Variants in MAP1S observed in about 807,000 individuals in gnomAD.
The protein encoded by MAP1S is microtubule associated protein 1S.
Under a neutral mutation model 60.9 loss-of-function variants are expected in MAP1S, and 27 were observed. That is an observed-to-expected ratio of 0.44 (90% CI 0.33 to 0.61). MAP1S has a LOEUF of 0.61. Ranked by LOEUF, MAP1S falls within the 20% of genes least tolerant of loss-of-function variation. MAP1S has a pLI of 0.03. For missense variants in MAP1S, 1,608 were observed against 1,486.6 expected, an observed-to-expected ratio of 1.08 and a Z score of -1.34; for synonymous variants, 826 against 694.2, an observed-to-expected ratio of 1.19 and a Z score of -2.98.
At chr19:17,719,921 C>A (rs2080355496) in intron 1 of MAP1S, 2 of 176,038 alleles carry the variant, frequency 1.1e-5, no homozygotes, top group Non-Finnish European at 2.3e-5. Context: ...GGGACCCTTG[C>A]AGTTGGACCA....
At chr19:17,721,969 G>A (rs1047020601) in intron 2 of MAP1S, among the ~76,000 whole-genome samples, 4 of 152,140 alleles carry the variant, frequency 2.6e-5, no homozygotes, top group Non-Finnish European at 2.9e-5. Flanking sequence ...GTCACCTCCC[G>A]GCTGCTGCTG....
chr19:17,732,878 T>G, intron 5 of MAP1S: 2 of 350,696 alleles, frequency 5.7e-6, no homozygotes, highest in Non-Finnish European at 5.2e-6. Flanking sequence ...CCGGTGGTGT[T>G]TGTAGAGTGA....
rs574275605 is a variant in MAP1S at position 17,728,068 on chromosome 19, C to G, written c.2684C>G (p.Ala895Gly). 2.8e-5 allele frequency: 45 copies of G among 1,612,562 alleles called. No individual in the cohort carries two copies. The African/African-American group carries it at 5.7e-4, about 21-fold the overall frequency. ...AAGGGGCTTGCTGGTGGGGACCGTG[C>G]CAGCCGACCACTCAGTGCCCGGAGT... ...KTKGLAGGDR[A>G]SRPLSARSEP... The change falls in exon 5 of 7, where the codon GCC becomes GGC. Residue 895 changes from alanine (A) to glycine (G), a missense_variant. By Grantham distance (60) the Ala-to-Gly change is moderately conservative. Coordinates refer to ENST00000324096, the MANE Select transcript of MAP1S (RefSeq NM_018174.6).
Position 17,725,923 on chromosome 19 carries a change from C to A in MAP1S, c.539C>A (p.Pro180His), listed in dbSNP as rs1432505086. 6.2e-7 allele frequency: 1 copy of A among 1,613,774 alleles called. No homozygotes were observed. Among genetic ancestry groups the A allele is most frequent in the East Asian group, 2.2e-5 (1 of 44,876 alleles). ...TTCGGTGACTGGGCTCAGCTGGCAC[C>A]CGCTGTGCCTGGCCTTCAGGGGGCG... Reference protein sequence around the residue: ...PTFGDWAQLAPAVPGLQGALR... With the variant: ...PTFGDWAQLAHAVPGLQGALR... The change falls in exon 5 of 7, where the codon CCC becomes CAC. Residue 180 changes from proline (P) to histidine (H), a missense_variant. This residue lies in a region of MAP1S where 320 missense variants were observed against 393.1 expected (regional missense o/e 0.81). Coordinates refer to ENST00000324096, the MANE Select transcript of MAP1S (RefSeq NM_018174.6). The surrounding 1 kb of genome is among the most constrained non-coding windows in gnomAD (Gnocchi z 4.2).
Position 17,727,193 on chromosome 19 carries a change from C to G in MAP1S, c.1809C>G (p.Ser603=), listed in dbSNP as rs1384631334. Residue 603 remains serine, a synonymous_variant, in exon 5 of 7, where the codon TCC becomes TCG. Coordinates refer to ENST00000324096, the MANE Select transcript of MAP1S (RefSeq NM_018174.6). This position sits in a 1 kb window ranked among gnomAD's most constrained non-coding sequence, Gnocchi z 4.1. The part of the protein sequence containing the change: ...PPSAACGSPA[S]QLVATPSLEL... ...GTGCAGCCTGCGGCTCTCCGGCCTC[C>G]CAGCTGGTGGCCACGCCCAGCCTGG... The G allele has an allele frequency of 1.3e-6, 2 of 1,576,262 alleles. No homozygotes were observed. Among genetic ancestry groups the G allele is most frequent in the Non-Finnish European group, 8.6e-7 (1 of 1,165,236 alleles).
chr19:17,719,739 G>A (rs1293998839), intron 1 of MAP1S, 119 bp downstream of exon 1: 3 of 289,416 alleles, frequency 1.0e-5, no homozygotes, highest in Non-Finnish European at 1.6e-5. Context: ...GCTCCGGGGC[G>A]GGGGTCGCGG....
rs1471850623 is a variant in MAP1S, at chr19:17,733,197, A to G, written c.2793A>G (p.Ser931=). ...PKTATRGPSG[S]ASSRPGVSAT... ...TCCCCATCCCCCCGCCCGCAGGGTC[A>G]GCCAGCAGCCGGCCCGGGGTGTCAG... Residue 931 remains serine, a synonymous_variant, in exon 6 of 7, where the codon TCA becomes TCG. Transcript: ENST00000324096. The G allele has an allele frequency of 1.3e-6, 2 of 1,533,726 alleles. No individual in the cohort carries two copies. Among genetic ancestry groups the G allele is most frequent in the Admixed American group, 2.0e-5 (1 of 49,304 alleles).
chr19:17,725,030 T>C lies in MAP1S; in HGVS notation c.304-19T>C, dbSNP rs2080404665. 1.2e-6 allele frequency: 2 copies of C among 1,614,080 alleles called. No individual in the cohort carries two copies. The highest frequency in any genetic ancestry group is 1.7e-6 in the Non-Finnish European group (2 of 1,180,004). The stretch of plus-strand genomic sequence containing the variant: ...TCACTGCACAGAACGGGTCCTTTAG[T>C]GTTCACCCCCTCCCTCAGCTCCGGA... On this transcript the variant is annotated intron_variant, in intron 3 of 6. Transcript: ENST00000324096. The surrounding 1 kb of genome is among the most constrained non-coding windows in gnomAD (Gnocchi z 4.2).
At chr19:17,733,056 G>A in intron 5 of MAP1S, 137 bp from the exon 6 acceptor site, 1 of 600,030 alleles carries the variant, frequency 1.7e-6, no homozygotes, top group Non-Finnish European at 2.9e-6. Flanking sequence ...GAGCGCACCA[G>A]GCCTCCCCAG....
chr19:17,727,214 C>G lies in MAP1S; in HGVS notation c.1830C>G (p.Ser610Arg). Residue 610 changes from serine to arginine, a missense_variant, in exon 5 of 7, where the codon AGC becomes AGG. Coordinates refer to ENST00000324096, the MANE Select transcript of MAP1S (RefSeq NM_018174.6). This position sits in a 1 kb window ranked among gnomAD's most constrained non-coding sequence, Gnocchi z 4.1. ...CCTCCCAGCTGGTGGCCACGCCCAGCCTGGAGCTGGGGCCGATCCCAGCCG... is the reference window on the plus strand; with the variant it reads ...CCTCCCAGCTGGTGGCCACGCCCAGGCTGGAGCTGGGGCCGATCCCAGCCG... ...SPASQLVATP[S>R]LELGPIPAGE... 3 of 1,569,412 alleles carry G rather than the reference C, an allele frequency of 1.9e-6. No individual in the cohort carries two copies. Among genetic ancestry groups the G allele is most frequent in the Non-Finnish European group, 2.6e-6 (3 of 1,162,168 alleles).
chr19:17,726,524 A>T lies in MAP1S; in HGVS notation c.1140A>T (p.Lys380Asn). 1 of 1,562,148 alleles carries T rather than the reference A, an allele frequency of 6.4e-7. No homozygotes were observed. The highest frequency in any genetic ancestry group is 8.6e-7 in the Non-Finnish European group (1 of 1,158,262). Residue 380 changes from lysine (K) to asparagine (N), a missense_variant, in exon 5 of 7, where the codon AAA (lysine) becomes AAT (asparagine). By Grantham distance (94) the Lys-to-Asn change is moderately conservative. Around this residue, in one of 4 missense-constraint regions of MAP1S, gnomAD observed 1,167 missense variants for 961.4 expected, o/e 1.21. Coordinates refer to ENST00000324096, the MANE Select transcript of MAP1S (RefSeq NM_018174.6). The stretch of plus-strand genomic sequence containing the variant: ...TCAGCCGCGGCCCCGTGCCAGCCAA[A>T]CCCACCGTGCTCTTCGAGAAGATGG... ...LPLSRGPVPA[K>N]PTVLFEKMGV... is the part of the protein sequence containing the mutation.
intron 1 of MAP1S, chr19:17,720,316 C>T: frequency 4.1e-6 from 6 of 1,466,806 alleles, no homozygotes; most frequent in Non-Finnish European, 5.4e-6. Context: ...GAACACGCAC[C>T]TCGGTTCATG....
At chr19:17,720,020 C>G in intron 1 of MAP1S, 14 of 690,052 alleles carry the variant, frequency 2.0e-5, no homozygotes, top group Non-Finnish European at 2.6e-5. Context: ...AGATAGAGAT[C>G]TCCCGGAGGG....
chr19:17,719,546 C>T lies in MAP1S; in HGVS notation c.44C>T (p.Ser15Leu). The stretch of plus-strand genomic sequence containing the variant: ...TCTGGGGCTGCCGCGGCTCCGAGCT[C>T]ACTGCTCCTCGTGGTGGGCAGCGAG... ...AGSGAAAAPS[S>L]LLLVVGSEFG... The change falls in exon 1 of 7, where the codon TCA becomes TTA. Residue 15 changes from serine to leucine, a missense_variant. This residue lies in a region of MAP1S where 45 missense variants were observed against 22.0 expected (regional missense o/e 2.04). Coordinates refer to ENST00000324096, the MANE Select transcript of MAP1S (RefSeq NM_018174.6). 8.0e-7 allele frequency: 1 copy of T among 1,246,158 alleles called. No individual in the cohort carries two copies. The highest frequency in any genetic ancestry group is 4.2e-5 in the Admixed American group (1 of 23,682). 77.2% of individuals were successfully genotyped at this position (1,246,158 alleles called of 1,614,324 possible).
rs753160066 is a variant in MAP1S at position 17,726,846 on chromosome 19, C to G, written c.1462C>G (p.Leu488Val). 8 of 1,554,410 alleles carry G rather than the reference C, an allele frequency of 5.1e-6. No individual in the cohort carries two copies. The highest frequency in any genetic ancestry group is 7.0e-6 in the Non-Finnish European group (8 of 1,149,710). Reference protein sequence around the residue: ...SRDSSKREGLLATHPRPGQER... With the variant: ...SRDSSKREGLVATHPRPGQER... Reference sequence around the variant, plus strand: ...GGACAGCTCGAAGAGAGAGGGCCTCCTGGCCACCCACCCTAGACCTGGCCA... The same window carrying G: ...GGACAGCTCGAAGAGAGAGGGCCTCGTGGCCACCCACCCTAGACCTGGCCA... Residue 488 changes from leucine (L) to valine (V), a missense_variant, in exon 5 of 7, where the codon CTG (leucine) becomes GTG (valine). By Grantham distance (32) the Leu-to-Val change is conservative. Coordinates refer to ENST00000324096, the MANE Select transcript of MAP1S (RefSeq NM_018174.6).
At chr19:17,724,980 A>G (rs1323576241) in intron 3 of MAP1S, 69 bp from the exon 4 acceptor site, 28 of 1,603,478 alleles carry the variant, frequency 1.7e-5, no homozygotes, top group African/African-American at 5.4e-5. Context: ...ACTCGAGGCT[A>G]CCCCAAAGAG....
In MAP1S at chr19:17,734,466, C is replaced by T. The variant is rs1338573323; in HGVS notation, c.*38C>T. On this transcript the variant is annotated 3_prime_UTR_variant, in exon 7 of 7. Transcript: ENST00000324096. Reference sequence around the variant, plus strand: ...CACGCCCCCCACTCAGCCCAGCCCGCCTGTCCCTAGATTCAGCCACATCAG... The same window carrying T: ...CACGCCCCCCACTCAGCCCAGCCCGTCTGTCCCTAGATTCAGCCACATCAG... 2 of 1,583,222 alleles carry T rather than the reference C, an allele frequency of 1.3e-6. No individual in the cohort carries two copies. The highest frequency in any genetic ancestry group is 2.3e-5 in the South Asian group (2 of 88,798).
rs7252905 is a variant in MAP1S, at chr19:17,726,997, C to A, written c.1613C>A (p.Pro538Gln). Residue 538 changes from proline to glutamine, a missense_variant, in exon 5 of 7, where the codon CCG becomes CAG. By Grantham distance (76) the Pro-to-Gln change is moderately conservative. This residue lies in a region of MAP1S where 1,167 missense variants were observed against 961.4 expected (regional missense o/e 1.21). Coordinates refer to ENST00000324096, the MANE Select transcript of MAP1S (RefSeq NM_018174.6). Reference sequence around the variant, plus strand: ...AAACCGAGTGTCTCCCGGACCCAGCCGCGGGAGGTGCGCCGGGCAGCCTCT... The same window carrying A: ...AAACCGAGTGTCTCCCGGACCCAGCAGCGGGAGGTGCGCCGGGCAGCCTCT... ...DPKPSVSRTQ[P>Q]REVRRAASSV... is the part of the protein sequence containing the mutation. The A allele has an allele frequency of 0.019, 29,787 of 1,578,926 alleles. 4,024 individuals carry two copies. The African/African-American group carries it at 0.32, about 17-fold the overall frequency.
chr19:17,727,667 C>G lies in MAP1S; in HGVS notation c.2283C>G (p.Gly761=). The change falls in exon 5 of 7, where the codon GGC becomes GGG. Residue 761 remains glycine, a synonymous_variant. Transcript: ENST00000324096. This position sits in a 1 kb window ranked among gnomAD's most constrained non-coding sequence, Gnocchi z 4.1. ...TGGCACCGGCACCTGCGTCCCCCGG[C>G]AGCTCGAATGACAGCAGTGCCCGGT... The part of the protein sequence containing the change: ...VPMAPAPASP[G]SSNDSSARSQ... 1 of 1,609,302 alleles carries G rather than the reference C, an allele frequency of 6.2e-7. No homozygotes were observed. Among genetic ancestry groups the G allele is most frequent in the Non-Finnish European group, 8.5e-7 (1 of 1,179,654 alleles).
Sources: gnomAD v4.1 joint callset for allele counts (sites outside exome capture counted in the v4.1 genomes callset) on GRCh38, gnomAD v4.1.1 for gene constraint, gnomAD v4.1.1 regional missense constraint, Gnocchi (gnomAD v3.1) non-coding constraint, MANE v1.5 for transcripts, NCBI Gene and HGNC (gene_info 2026-07-23, HGNC 2026-07-21) for gene names.